DENND1B: variants seen among roughly 807,000 people sequenced by gnomAD.
DENND1B encodes DENN domain containing 1B, also known as DENN domain-containing protein 1B.
DENND1B carries 59 observed loss-of-function variants against 90.1 expected under a neutral mutation model. The observed-to-expected ratio is 0.65, with a 90% confidence interval of 0.53 to 0.81. The LOEUF is 0.81. DENND1B is among the 40% of genes least tolerant of loss of function. The pLI is 0.00. For synonymous variants in DENND1B, 337 were observed against 324.6 expected, an observed-to-expected ratio of 1.04 and a Z score of -0.41; for missense variants, 862 against 912.6, an observed-to-expected ratio of 0.94 and a Z score of 0.71.
At chr1:197,773,050 ATT>A in intron 1 of DENND1B, 118 bp from the exon 2 acceptor site, 2 of 815,394 alleles carry the variant, frequency 2.5e-6, no homozygotes, top group Non-Finnish European at 4.1e-6. Flanking sequence ...ACGTGACTGT[ATT>A]ACTACAGTAT....
intron 10 of DENND1B, among the ~76,000 whole-genome samples, chr1:197,641,284 T>C (rs757191565): frequency 1.7e-4 from 26 of 152,168 alleles, no homozygotes; most frequent in Admixed American, 3.9e-4. Context: ...TAAAAAAAAA[T>C]CATGTTTAAA....
At chr1:197,535,891 C>T (rs953783395) in intron 20 of DENND1B, among the ~76,000 whole-genome samples, 1 of 152,008 alleles carries the variant, frequency 6.6e-6, no homozygotes, top group Non-Finnish European at 1.5e-5. Context: ...AACTGAGGGC[C>T]TATAAGATCT....
At chr1:197,529,210 ATATATATATAT>A (rs1669384260) in intron 20 of DENND1B, among the ~76,000 whole-genome samples, 3 of 2,876 alleles carry the variant, frequency 1.0e-3, no homozygotes, top group Non-Finnish European at 5.3e-3. Flanking sequence ...AGTGATATAT[ATATATATATAT>A]ATATATATAT....
chr1:197,771,695 A>C (rs1200546375), intron 2 of DENND1B, among the ~76,000 whole-genome samples: 2 of 152,208 alleles, frequency 1.3e-5, no homozygotes, highest in Non-Finnish European at 2.9e-5. Context: ...TAGTTTCTGA[A>C]GCTAAAATTG....
intron 14 of DENND1B, among the ~76,000 whole-genome samples, chr1:197,587,648 C>G (rs1272824651): frequency 6.6e-6 from 1 of 152,078 alleles, no homozygotes; most frequent in Non-Finnish European, 1.5e-5. Context: ...TGGCAGTGGT[C>G]CCCAAACTTC....
intron 14 of DENND1B, among the ~76,000 whole-genome samples, chr1:197,592,410 T>C (rs1675317153): frequency 1.3e-5 from 2 of 152,090 alleles, no homozygotes; most frequent in South Asian, 4.1e-4. Flanking sequence ...TTAATAGTGA[T>C]CAAAAATTAT....
chr1:197,572,420 G>A (rs1028854044), intron 15 of DENND1B, among the ~76,000 whole-genome samples: 4 of 152,164 alleles, frequency 2.6e-5, no homozygotes, highest in Non-Finnish European at 5.9e-5. Flanking sequence ...CGGGAAGCTC[G>A]AACTGGGCGG....
At chr1:197,562,197 A>G (rs141581480) in intron 15 of DENND1B, among the ~76,000 whole-genome samples, 53 of 152,072 alleles carry the variant, frequency 3.5e-4, no homozygotes, top group African/African-American at 1.3e-3. Context: ...TCACAAAGTC[A>G]GAGATTGTCT....
intron 15 of DENND1B, among the ~76,000 whole-genome samples, chr1:197,582,784 G>A (rs1288680225): frequency 1.4e-5 from 2 of 145,138 alleles, no homozygotes; most frequent in African/African-American, 2.4e-5. Context: ...ATATTACAAT[G>A]GAATAATCCT....
intron 10 of DENND1B, among the ~76,000 whole-genome samples, chr1:197,625,421 A>G (rs1052932915): frequency 2.6e-5 from 4 of 152,162 alleles, no homozygotes; most frequent in Admixed American, 2.0e-4. Flanking sequence ...ACTAAGCTTC[A>G]TAAGTGAAGG....
intron 2 of DENND1B, among the ~76,000 whole-genome samples, chr1:197,767,340 T>C (rs1041611434): frequency 2.6e-5 from 4 of 151,860 alleles, no homozygotes; most frequent in Non-Finnish European, 2.9e-5. Context: ...AGTATCACTA[T>C]AGACAAAAAG....
chr1:197,735,532 A>C, intron 2 of DENND1B: 2 of 1,612,378 alleles, frequency 1.2e-6, no homozygotes, highest in East Asian at 4.5e-5. Context: ...TGAACTATGA[A>C]ACATTCCATT....
At chr1:197,725,955 T>C (rs1661589699) in intron 2 of DENND1B, among the ~76,000 whole-genome samples, 1 of 151,974 alleles carries the variant, frequency 6.6e-6, no homozygotes, top group Non-Finnish European at 1.5e-5. Flanking sequence ...GAAAAGAACT[T>C]ACATCATTCA....
At chr1:197,616,329 T>C (rs1677644143) in intron 11 of DENND1B, among the ~76,000 whole-genome samples, 1 of 151,044 alleles carries the variant, frequency 6.6e-6, no homozygotes. Context: ...TGCTAAAATA[T>C]TATAGGTATG....
At chr1:197,553,145 A>C (rs757197540) in intron 15 of DENND1B, 33 bp from the exon 16 acceptor site, 12 of 1,465,272 alleles carry the variant, frequency 8.2e-6, no homozygotes, top group Non-Finnish European at 1.1e-5. Flanking sequence ...AAAATGTATC[A>C]AATAAAATGT....
chr1:197,754,049 A>G (rs1653933121), intron 2 of DENND1B, among the ~76,000 whole-genome samples: 1 of 151,786 alleles, frequency 6.6e-6, no homozygotes, highest in African/African-American at 2.4e-5. Context: ...CTATTTTTAA[A>G]ATACATATAG....
At chr1:197,513,168 C>A (rs1035676261) in intron 20 of DENND1B, among the ~76,000 whole-genome samples, 20 of 16,238 alleles carry the variant, frequency 1.2e-3, no homozygotes, top group Non-Finnish European at 3.0e-3. Flanking sequence ...CTTCTCAAAC[C>A]AATAAAAAAA....
chr1:197,747,432 G>A (rs1652851540), intron 2 of DENND1B: 2 of 407,522 alleles, frequency 4.9e-6, no homozygotes, highest in Non-Finnish European at 9.3e-6. Flanking sequence ...TAGGCCAGGA[G>A]GTAGCAGCCC....
intron 20 of DENND1B, among the ~76,000 whole-genome samples, chr1:197,535,069 C>T (rs1013061694): frequency 1.3e-5 from 2 of 152,170 alleles, no homozygotes; most frequent in Admixed American, 6.5e-5. Context: ...TGGCTGATGC[C>T]TTTTGATTTC....
Sources: allele counts gnomAD v4.1 joint callset (sites outside exome capture counted in the v4.1 genomes callset), GRCh38; gene constraint gnomAD v4.1.1; transcripts MANE v1.5; gene names NCBI Gene and HGNC (gene_info 2026-07-23, HGNC 2026-07-21).